The following TBCD variants were observed in gnomAD, a reference collection of about 807,000 sequenced individuals.
The protein encoded by TBCD is tubulin folding cofactor D.
A neutral mutation model predicts 169.3 loss-of-function variants in TBCD; 105 were observed. The ratio of observed to expected loss-of-function variants is 0.62; its 90% CI spans 0.53 to 0.73. TBCD has a LOEUF of 0.73. Ranked by LOEUF, TBCD falls within the 30% of genes least tolerant of loss-of-function variation. The pLI, the probability that TBCD is intolerant of heterozygous loss-of-function variation, is 0.00. For synonymous variants in TBCD, 700 were observed against 643.9 expected, an observed-to-expected ratio of 1.09 and a Z score of -1.32; for missense variants, 1,444 against 1,600.1, an observed-to-expected ratio of 0.90 and a Z score of 1.66.
intron 12 of TBCD, among the ~76,000 whole-genome samples, chr17:82,812,156 AGT>A (rs1047571263): frequency 2.0e-4 from 31 of 151,964 alleles, no homozygotes; most frequent in African/African-American, 7.5e-4. Context: ...CTTGGAGAGG[AGT>A]GTGTCTGTGT....
chr17:82,870,240 G>T lies in TBCD; in HGVS notation c.1335G>T (p.Leu445=), dbSNP rs772743311. The T allele has an allele frequency of 2.2e-5, 35 of 1,613,172 alleles. No individual in the cohort carries two copies. The South Asian group carries it at 3.7e-4, about 17-fold the overall frequency. ...CTTGCCCAGTTGTCGCCGTGATCCT[G>T]AAGGCGCTGACCTACGACGAGAAGC... is the stretch of plus-strand genomic sequence containing the variant. ...SRLVDVVAVI[L]KALTYDEKRG... is the part of the protein sequence containing the mutation. The change falls in exon 14 of 39, where the codon CTG becomes CTT. Residue 445 remains leucine, a synonymous_variant. Coordinates refer to ENST00000355528, the MANE Select transcript of TBCD (RefSeq NM_005993.5).
At chr17:82,919,501 G>A (rs893189470) in intron 23 of TBCD, among the ~76,000 whole-genome samples, 1 of 152,104 alleles carries the variant, frequency 6.6e-6, no homozygotes, top group Non-Finnish European at 1.5e-5. Flanking sequence ...AACTGCCTGT[G>A]ACGAGGTAAA....
chr17:82,827,997 GCA>G lies in TBCD; in HGVS notation c.1318+13071_1318+13072del, dbSNP rs944991552. On this transcript the variant is annotated intron_variant, in intron 13 of 38. Coordinates refer to ENST00000355528, the MANE Select transcript of TBCD (RefSeq NM_005993.5). ...CGCACACATGCACACCCAATCGAAC[GCA>G]CACACACCTGCAGATATGTACACGT... Among the ~76,000 whole-genome samples, 4 of 143,734 alleles carry G rather than the reference GCA, an allele frequency of 2.8e-5. No homozygotes were observed. The East Asian group carries it at 6.5e-4, about 23-fold the overall frequency. The allele number at this position is 143,734 out of a possible 152,430, so 94.3% of individuals were successfully genotyped here. A position where few individuals can be genotyped will look rare whatever the true frequency, so the allele number is the denominator to read the frequency against.
At chr17:82,897,262 G>A (rs2059552698) in intron 17 of TBCD, among the ~76,000 whole-genome samples, 1 of 152,048 alleles carries the variant, frequency 6.6e-6, no homozygotes, top group African/African-American at 2.4e-5. Flanking sequence ...GCTCACACCT[G>A]TAATGCCAGC....
chr17:82,927,814 G>A (rs1181213362), intron 29 of TBCD, 91 bp from the exon 30 acceptor site: 13 of 1,166,320 alleles, frequency 1.1e-5, no homozygotes, highest in Admixed American at 5.4e-5. Context: ...CACGGGTGTC[G>A]AATTCACACA....
intron 27 of TBCD, among the ~76,000 whole-genome samples, chr17:82,925,482 G>T (rs534744318): frequency 6.6e-6 from 1 of 152,250 alleles, no homozygotes; most frequent in African/African-American, 2.4e-5. Flanking sequence ...TCAGTGACCT[G>T]CTCTCTCACG....
chr17:82,924,116 G>C (rs1456705224), intron 26 of TBCD, among the ~76,000 whole-genome samples: 1 of 152,114 alleles, frequency 6.6e-6, no homozygotes, highest in East Asian at 1.9e-4. Context: ...ACCATACCCG[G>C]CTAATTTTTG....
intron 23 of TBCD, among the ~76,000 whole-genome samples, chr17:82,917,863 C>A (rs1026993640): frequency 4.6e-5 from 7 of 152,178 alleles, no homozygotes; most frequent in African/African-American, 1.7e-4. Context: ...TGGAGTCAGC[C>A]GTGAGCCGGG....
intron 13 of TBCD, among the ~76,000 whole-genome samples, chr17:82,850,373 C>CTGTTGTTGGCTGTCT (rs2055663673): frequency 6.7e-6 from 1 of 148,278 alleles, no homozygotes; most frequent in African/African-American, 2.5e-5. Context: ...GTTGGCTGTC[C>CTGTTGTTGGCTGTCT]TGTTGTTGGC....
At chr17:82,931,486 G>A (rs1007610275) in intron 33 of TBCD, among the ~76,000 whole-genome samples, 8 of 152,214 alleles carry the variant, frequency 5.3e-5, no homozygotes, top group Non-Finnish European at 7.4e-5. Context: ...CGTGCCGGTC[G>A]CTCATTCCTC....
chr17:82,830,641 G>A (rs748853206), intron 13 of TBCD: 1 of 1,614,044 alleles, frequency 6.2e-7, no homozygotes, highest in South Asian at 1.1e-5. Flanking sequence ...GGTGTTACAG[G>A]GGTCCTTCAC....
At chr17:82,911,644 A>G (rs989525010) in intron 22 of TBCD, 114 bp from the exon 23 acceptor site, 8 of 1,048,126 alleles carry the variant, frequency 7.6e-6, no homozygotes, top group African/African-American at 1.6e-5. Context: ...AACACATTCA[A>G]CTAGTTCTCA....
At chr17:82,821,920 AAATT>A in intron 13 of TBCD, among the ~76,000 whole-genome samples, 1 of 152,238 alleles carries the variant, frequency 6.6e-6, no homozygotes, top group African/African-American at 2.4e-5. Context: ...AATAAACATT[AAATT>A]TTTATAAGTT....
chr17:82,921,508 G>C lies in TBCD; in HGVS notation c.2109G>C (p.Trp703Cys). ...AACTTGATTTTTTGACAGATGGTTG[G>C]CAATGGCTGATAAATGACACTTTGA... is the stretch of plus-strand genomic sequence containing the variant. ...PFRGDTVIDG[W>C]QWLINDTLRH... Residue 703 changes from tryptophan (W) to cysteine (C), a missense_variant, in exon 25 of 39, where the codon TGG becomes TGC. Coordinates refer to ENST00000355528, the MANE Select transcript of TBCD (RefSeq NM_005993.5). 6.2e-7 allele frequency: 1 copy of C among 1,613,994 alleles called. No individual in the cohort carries two copies. Among genetic ancestry groups the C allele is most frequent in the Non-Finnish European group, 8.5e-7 (1 of 1,179,852 alleles).
At chr17:82,817,175 G>A (rs2051990665) in intron 13 of TBCD, among the ~76,000 whole-genome samples, 1 of 152,162 alleles carries the variant, frequency 6.6e-6, no homozygotes, top group South Asian at 2.1e-4. Flanking sequence ...CCGTTGCCCA[G>A]GCTAGAGTGC....
chr17:82,795,942 A>G (rs2144589511), intron 7 of TBCD: 1 of 152,386 alleles, frequency 6.6e-6, no homozygotes, highest in South Asian at 2.1e-4. Context: ...GGTCACTGGC[A>G]TCACTCCTGC....
chr17:82,921,272 G>A, intron 24 of TBCD: 1 of 556,914 alleles, frequency 1.8e-6, no homozygotes, highest in Non-Finnish European at 3.2e-6. Flanking sequence ...AAAATTTACA[G>A]AATGCTGGTA....
chr17:82,766,237 G>A, intron 3 of TBCD, 30 bp from the exon 4 acceptor site: 2 of 1,563,920 alleles, frequency 1.3e-6, no homozygotes, highest in Non-Finnish European at 1.7e-6. Context: ...ATTTTTAAAT[G>A]TTATAATTCA....
In TBCD at chr17:82,832,717, C is replaced by T. The variant is rs1326612937; in HGVS notation, c.1318+17783C>T. 1.9e-6 allele frequency: 1 copy of T among 533,400 alleles called. No homozygotes were observed. The highest frequency in any genetic ancestry group is 1.9e-5 in the African/African-American group (1 of 52,494). The allele number at this position is 533,400 out of a possible 1,614,324, so 33.0% of individuals were successfully genotyped here. On this transcript the variant is annotated intron_variant, in intron 13 of 38. Transcript: ENST00000355528. The surrounding 1 kb of genome is among the most constrained non-coding windows in gnomAD (Gnocchi z 4.9). Reference sequence around the variant, plus strand: ...CCGGCCTCGGCTCGCCACAGTGCCACAGGATCCCTGAAGCAGAACCCCTGA... The same window carrying T: ...CCGGCCTCGGCTCGCCACAGTGCCATAGGATCCCTGAAGCAGAACCCCTGA...
Sources: gnomAD v4.1 joint callset for allele counts (sites outside exome capture counted in the v4.1 genomes callset) on GRCh38, gnomAD v4.1.1 for gene constraint, Gnocchi (gnomAD v3.1) non-coding constraint, MANE v1.5 for transcripts, NCBI Gene and HGNC (gene_info 2026-07-23, HGNC 2026-07-21) for gene names.